The following SLC2A14 variants were observed in gnomAD, a reference collection of about 807,000 sequenced individuals.
SLC2A14 encodes solute carrier family 2, facilitated glucose transporter member 14.
In SLC2A14, 13 loss-of-function variants were observed where a neutral mutation model predicts 43.0. That is an observed-to-expected ratio of 0.30 (90% CI 0.20 to 0.48). SLC2A14 has a LOEUF of 0.48. SLC2A14 is among the 20% of genes least tolerant of loss of function. The probability of loss-of-function intolerance (pLI) is 0.99; values close to 1 mark genes in which losing one functional copy is unlikely to be tolerated. For synonymous variants in SLC2A14, 190 were observed against 233.8 expected, an observed-to-expected ratio of 0.81 and a Z score of 1.71; for missense variants, 428 against 620.4, an observed-to-expected ratio of 0.69 and a Z score of 3.29.
At chr12:7,877,686 A>C (rs776409018), upstream of SLC2A14, among the ~76,000 whole-genome samples, 8 of 152,070 alleles carry the variant, frequency 5.3e-5, no homozygotes, top group Non-Finnish European at 8.8e-5. Context: ...CGGCCTCCCA[A>C]AGTGGTGGGA....
rs751069859 is a variant in SLC2A14 at position 7,882,557 on chromosome 12, C to T, written c.132+8439G>A. 6.6e-5 allele frequency among the ~76,000 whole-genome samples: 10 copies of T among 152,108 alleles called. No homozygotes were observed. In the South Asian group the frequency reaches 1.5e-3, roughly 22 times the overall value. Reference sequence around the variant, plus strand: ...AAAGATATTTATTTGAGGCTAGCGTCGGCAGTGGCTCACACTTGTGATCTC... The same window carrying T: ...AAAGATATTTATTTGAGGCTAGCGTTGGCAGTGGCTCACACTTGTGATCTC... On this transcript the variant is annotated intron_variant, in intron 1 of 9. Coordinates refer to the SLC2A14 transcript ENST00000539924.
In SLC2A14 at chr12:7,832,795, A is replaced by G. The variant is rs1865144820; in HGVS notation, c.38T>C (p.Phe13Ser). ...GCCGATTGTAGCAACTGTGATGGCAAAGATCAGAGCTGGGGTGACCTGGAG... is the reference window on the plus strand; with the variant it reads ...GCCGATTGTAGCAACTGTGATGGCAGAGATCAGAGCTGGGGTGACCTGGAG... ...NRQNVTPALI[F>S]AITVATIGSF... Residue 13 changes from phenylalanine to serine, a missense_variant, in exon 3 of 11, where the codon TTT (phenylalanine) becomes TCT (serine). Phe to Ser is a radical substitution (Grantham distance 155). This residue lies in a region of SLC2A14 where 122 missense variants were observed against 128.8 expected (regional missense o/e 0.95). Coordinates refer to ENST00000431042, the MANE Select transcript of SLC2A14 (RefSeq NM_001286234.2). 1.9e-6 allele frequency: 3 copies of G among 1,614,182 alleles called. No individual in the cohort carries two copies. The highest frequency in any genetic ancestry group is 1.3e-5 in the African/African-American group (1 of 75,052).
intron 2 of SLC2A14, chr12:7,839,703 T>C: frequency 2.7e-6 from 1 of 368,022 alleles, no homozygotes; most frequent in Admixed American, 3.7e-5. Context: ...TGTAGTGATA[T>C]TAAGAGGCAG....
At chr12:7,861,071 C>G (rs1411061494) in intron 2 of SLC2A14, among the ~76,000 whole-genome samples, 1 of 152,054 alleles carries the variant, frequency 6.6e-6, no homozygotes, top group Non-Finnish European at 1.5e-5. Context: ...GGATTACAGG[C>G]GTGAGCCACC....
chr12:7,850,422 G>C (rs1174876612), intron 2 of SLC2A14, among the ~76,000 whole-genome samples: 1 of 152,098 alleles, frequency 6.6e-6, no homozygotes, highest in African/African-American at 2.4e-5. Context: ...TTGAGACGGA[G>C]TCTCGCTCTG....
At chr12:7,826,861 T>TCTTTTTTTTCTTTCTTTCTTTC (rs1555121667) in intron 7 of SLC2A14, among the ~76,000 whole-genome samples, 108 of 60,296 alleles carry the variant, frequency 1.8e-3, no homozygotes, top group South Asian at 5.1e-3. Context: ...TTCCTTTCTT[T>TCTTTTTTTTCTTTCTTTCTTTC]TTTCTTTCTT....
intron 1 of SLC2A14, among the ~76,000 whole-genome samples, chr12:7,881,320 G>T (rs1487524112): frequency 5.3e-5 from 8 of 151,978 alleles, no homozygotes; most frequent in Admixed American, 5.2e-4. Context: ...CGGTGCTTGC[G>T]GGCCAGCACG....
At chr12:7,852,893 CAG>C (rs1418998196) in intron 2 of SLC2A14, among the ~76,000 whole-genome samples, 1 of 152,030 alleles carries the variant, frequency 6.6e-6, no homozygotes, top group Non-Finnish European at 1.5e-5. Flanking sequence ...CAGGAGGAAA[CAG>C]AGAAAAAAGA....
chr12:7,862,264 CAAAAA>C (rs71038792), intron 2 of SLC2A14, among the ~76,000 whole-genome samples: 4 of 58,922 alleles, frequency 6.8e-5, no homozygotes, highest in Non-Finnish European at 9.2e-5. Flanking sequence ...ACTTGTCTCT[CAAAAA>C]AAAAAAAAAA....
chr12:7,826,860 T>TC (rs377050811), intron 7 of SLC2A14, among the ~76,000 whole-genome samples: 17,697 of 71,314 alleles, frequency 0.25, 3,449 homozygotes, highest in South Asian at 0.33. Flanking sequence ...CTTCCTTTCT[T>TC]TTTTCTTTCT....
chr12:7,822,438 C>T (rs1024019823), intron 7 of SLC2A14, among the ~76,000 whole-genome samples: 3 of 151,620 alleles, frequency 2.0e-5, no homozygotes, highest in African/African-American at 2.4e-5. Context: ...GAGGCCGAGG[C>T]GGGCAGATCA....
chr12:7,882,890 T>A (rs946345689), intron 1 of SLC2A14, among the ~76,000 whole-genome samples: 10 of 148,786 alleles, frequency 6.7e-5, no homozygotes, highest in Admixed American at 1.4e-4. Flanking sequence ...AATTCAAGTT[T>A]AAAAAAAAAA....
intron 2 of SLC2A14, among the ~76,000 whole-genome samples, chr12:7,835,930 T>C (rs902238385): frequency 1.7e-4 from 26 of 152,208 alleles, no homozygotes; most frequent in Non-Finnish European, 3.5e-4. Flanking sequence ...AGAAAACATT[T>C]GAGAAATGTT....
intron 1 of SLC2A14, among the ~76,000 whole-genome samples, chr12:7,887,622 T>G (rs1945710587): frequency 6.6e-6 from 1 of 151,060 alleles, no homozygotes; most frequent in South Asian, 2.1e-4. Context: ...GTTAGATAGA[T>G]AGATAGAATG....
chr12:7,818,496 A>G (rs1302682998), intron 9 of SLC2A14, among the ~76,000 whole-genome samples: 3 of 152,078 alleles, frequency 2.0e-5, no homozygotes, highest in Non-Finnish European at 2.9e-5. Flanking sequence ...CCCTGTCTCT[A>G]CTAAAAAACA....
At chr12:7,873,009 A>G, upstream of SLC2A14, 2 of 985,554 alleles carry the variant, frequency 2.0e-6, no homozygotes, top group Non-Finnish European at 2.4e-6. Flanking sequence ...TAAGCAAGAC[A>G]AGCACCCACC....
intron 7 of SLC2A14, among the ~76,000 whole-genome samples, chr12:7,827,059 TTCTTTCTCTCTCTC>T (rs1864537043): frequency 4.9e-5 from 5 of 101,290 alleles, no homozygotes; most frequent in African/African-American, 1.7e-4. Context: ...CTCTCTCTCT[TTCTTTCTCTCTCTC>T]TCTTTCTTTC....
intron 1 of SLC2A14, chr12:7,890,927 CT>C: frequency 2.0e-6 from 3 of 1,473,584 alleles, no homozygotes. Context: ...AAGTTTTTCC[CT>C]TTTTTAAAGA....
rs1945580130 is a variant in SLC2A14 at position 7,881,855 on chromosome 12, T to C, written c.132+9141A>G. Among the ~76,000 whole-genome samples the C allele has an allele frequency of 2.0e-5, 3 of 152,298 alleles. No homozygotes were observed. The South Asian group carries it at 6.2e-4, about 32-fold the overall frequency. On this transcript the variant is annotated intron_variant, in intron 1 of 9. Transcript: ENST00000539924. The stretch of plus-strand genomic sequence containing the variant: ...AACACACCAATCAGCACCCTGTGTC[T>C]AGCTCAGGGTTTGTGAATGCATCAA...
Sources: allele counts gnomAD v4.1 joint callset (sites outside exome capture counted in the v4.1 genomes callset), GRCh38; gene constraint gnomAD v4.1.1; regional missense constraint gnomAD v4.1.1; transcripts MANE v1.5; gene names NCBI Gene and HGNC (gene_info 2026-07-23, HGNC 2026-07-21).